Variants in AP1S3 observed in about 807,000 individuals in gnomAD.
The protein encoded by AP1S3 is AP-1 complex subunit sigma-3.
Under a neutral mutation model 20.9 loss-of-function variants are expected in AP1S3, and 10 were observed. The ratio of observed to expected loss-of-function variants is 0.48; its 90% CI spans 0.29 to 0.81. The LOEUF (loss-of-function observed/expected upper bound fraction) is 0.81, where lower values mean the gene tolerates loss of function less well. Ranked by LOEUF, AP1S3 falls within the 30% of genes least tolerant of loss-of-function variation. The pLI is 0.08. For synonymous variants in AP1S3, 41 were observed against 61.5 expected (o/e 0.67, Z 1.56); for missense variants, 154 against 183.8 (o/e 0.84, Z 0.94).
chr2:223,772,008 G>C (rs1329947963), intron 3 of AP1S3, among the ~76,000 whole-genome samples: 1 of 152,206 alleles, frequency 6.6e-6, no homozygotes, highest in African/African-American at 2.4e-5. Context: ...TAGGGAGGCT[G>C]AGGTAGGAGA....
intron 1 of AP1S3, among the ~76,000 whole-genome samples, chr2:223,829,281 C>T (rs1692205508): frequency 6.6e-6 from 1 of 152,186 alleles, no homozygotes; most frequent in Non-Finnish European, 1.5e-5. Context: ...TAAGCCATGA[C>T]TTACAGGCCA....
intron 2 of AP1S3, among the ~76,000 whole-genome samples, chr2:223,776,986 CA>C (rs1223148160): frequency 6.6e-6 from 1 of 152,164 alleles, no homozygotes; most frequent in Non-Finnish European, 1.5e-5. Flanking sequence ...CCAGTTTTTC[CA>C]AAGCACTTGT....
At chr2:223,780,109 T>TC (rs1690885293) in intron 1 of AP1S3, among the ~76,000 whole-genome samples, 1 of 150,746 alleles carries the variant, frequency 6.6e-6, no homozygotes. Context: ...ACTAACCACC[T>TC]CCCCCGGCTG....
intron 1 of AP1S3, among the ~76,000 whole-genome samples, chr2:223,829,079 C>T (rs1205456634): frequency 6.6e-6 from 1 of 151,990 alleles, no homozygotes. Flanking sequence ...GGTGATCCAC[C>T]AGCCTTGGCC....
chr2:223,766,601 T>C (rs187961609), intron 3 of AP1S3, among the ~76,000 whole-genome samples: 18 of 152,332 alleles, frequency 1.2e-4, no homozygotes, highest in African/African-American at 4.3e-4. Context: ...TTTTACACTG[T>C]TGGTGGGAGT....
rs1690201244 is a variant in AP1S3 at position 223,755,863 on chromosome 2, T to G, written c.*2852A>C. 1.0e-6 allele frequency: 1 copy of G among 985,410 alleles called. No individual in the cohort carries two copies. Among genetic ancestry groups the G allele is most frequent in the Non-Finnish European group, 1.2e-6 (1 of 829,928 alleles). 61.0% of individuals were successfully genotyped at this position (985,410 alleles called of 1,614,324 possible). Reference sequence around the variant, plus strand: ...TTTACTTTCTATGTGTGACACTGATTGAAGTCTGAGAAGCCCTGTCCATAA... The same window carrying G: ...TTTACTTTCTATGTGTGACACTGATGGAAGTCTGAGAAGCCCTGTCCATAA... On this transcript the variant is annotated 3_prime_UTR_variant, in exon 5 of 5. Coordinates refer to ENST00000396654, the MANE Select transcript of AP1S3 (RefSeq NM_001039569.2).
At position 223,808,685 on chromosome 2, in the gene AP1S3, T is replaced by C. The variant is rs139921572; in HGVS notation, c.3+28763A>G. On this transcript the variant is annotated intron_variant, in intron 1 of 4. Transcript: ENST00000396654. The stretch of plus-strand genomic sequence containing the variant: ...TATAAATACTCAGTTTCCTTCAGAG[T>C]ACTCAATACTTTGTTTTTCAATAAA... Among the ~76,000 whole-genome samples, 7 of 152,244 alleles carry C rather than the reference T, an allele frequency of 4.6e-5. No individual in the cohort carries two copies. The East Asian group carries it at 1.4e-3, about 29-fold the overall frequency.
chr2:223,764,852 CT>C (rs1382558989), intron 4 of AP1S3, among the ~76,000 whole-genome samples: 1 of 152,148 alleles, frequency 6.6e-6, no homozygotes, highest in Non-Finnish European at 1.5e-5. Flanking sequence ...GTGAAGGACT[CT>C]TGCACTCCAA....
At chr2:223,792,071 G>A (rs684811) in intron 1 of AP1S3, among the ~76,000 whole-genome samples, 73,670 of 151,948 alleles carry the variant, frequency 0.48, 18,491 homozygotes, top group African/African-American at 0.61. Flanking sequence ...TGACCATATT[G>A]CACAAAGCAA....
chr2:223,835,083 C>T (rs570098362), intron 1 of AP1S3, among the ~76,000 whole-genome samples: 1 of 69,292 alleles, frequency 1.4e-5, no homozygotes, highest in Admixed American at 1.3e-4. Flanking sequence ...CCTTGCAGAC[C>T]TCCAGTAAAA....
At chr2:223,774,703 G>A (rs1690721938) in intron 3 of AP1S3, among the ~76,000 whole-genome samples, 1 of 152,174 alleles carries the variant, frequency 6.6e-6, no homozygotes, top group South Asian at 2.1e-4. Context: ...ATGAATGTCA[G>A]CCCAATTTGA....
intron 1 of AP1S3, among the ~76,000 whole-genome samples, chr2:223,800,744 T>C (rs947791854): frequency 3.3e-5 from 5 of 152,236 alleles, no homozygotes; most frequent in Admixed American, 1.3e-4. Flanking sequence ...TTAATGATGA[T>C]ATACTAGAAG....
chr2:223,763,939 T>A (rs950429371), intron 4 of AP1S3, among the ~76,000 whole-genome samples: 2 of 152,192 alleles, frequency 1.3e-5, no homozygotes, highest in Admixed American at 1.3e-4. Flanking sequence ...TTATTTATTT[T>A]GAGATGGAGT....
intron 1 of AP1S3, among the ~76,000 whole-genome samples, chr2:223,783,017 T>C (rs2106096057): frequency 6.6e-6 from 1 of 152,322 alleles, no homozygotes; most frequent in South Asian, 2.1e-4. Flanking sequence ...CATTTTTGAT[T>C]AATATTCGCT....
intron 1 of AP1S3, among the ~76,000 whole-genome samples, chr2:223,786,115 C>G (rs1347384490): frequency 6.6e-6 from 1 of 152,142 alleles, no homozygotes; most frequent in Non-Finnish European, 1.5e-5. Flanking sequence ...GAACTTAACA[C>G]TGCTCTAAAA....
intron 1 of AP1S3, among the ~76,000 whole-genome samples, chr2:223,818,449 A>G (rs1328415784): frequency 6.6e-6 from 1 of 151,828 alleles, no homozygotes; most frequent in Non-Finnish European, 1.5e-5. Context: ...CAAGGTTCCA[A>G]GATAATGTGG....
In AP1S3 at chr2:223,765,326, T is replaced by G. The variant is rs759979517; in HGVS notation, c.316A>C (p.Asn106His). The G allele has an allele frequency of 9.3e-6, 15 of 1,613,170 alleles. No individual in the cohort carries two copies. Among genetic ancestry groups the G allele is most frequent in the Non-Finnish European group, 1.2e-5 (14 of 1,179,840 alleles). The change falls in exon 4 of 5, where the codon AAT becomes CAT. Residue 106 changes from asparagine to histidine, a missense_variant. Physicochemically the swap from Asn to His is moderately conservative, Grantham distance 68. Coordinates refer to ENST00000396654, the MANE Select transcript of AP1S3 (RefSeq NM_001039569.2). ...AGGATGAAATAAGCCTTTTCAAAAT[T>G]AAAGATAATATCCAGCTCACAGACC... ...GNVCELDIIF[N>H]FEKAYFILDE... is the part of the protein sequence containing the mutation.
At position 223,837,544 on chromosome 2, in the gene AP1S3, G is replaced by T; in HGVS notation, c.-94C>A. ...GCGCTGGAGCCGGTGCGGCTGACAG[G>T]TGAGGCGCCCGGCTTAGACCATGGC... On this transcript the variant is annotated 5_prime_UTR_variant, in exon 1 of 5. Coordinates refer to ENST00000396654, the MANE Select transcript of AP1S3 (RefSeq NM_001039569.2). 1.2e-6 allele frequency: 1 copy of T among 806,888 alleles called. No homozygotes were observed. Among genetic ancestry groups the T allele is most frequent in the Non-Finnish European group, 1.7e-6 (1 of 595,322 alleles). 50.0% of individuals were successfully genotyped at this position (806,888 alleles called of 1,614,324 possible). A position where few individuals can be genotyped will look rare whatever the true frequency, so the allele number is the denominator to read the frequency against.
chr2:223,756,481 AG>A lies in AP1S3; in HGVS notation c.*2233del, dbSNP rs1216745818. On this transcript the variant is annotated 3_prime_UTR_variant, in exon 5 of 5. Transcript: ENST00000396654. Reference sequence around the variant, plus strand: ...AGAAAGAAAGAAAAGAAAGAAAGAAAGAAAAAAAGAAAGAAAAAATTCTAAC... The same window carrying A: ...AGAAAGAAAGAAAAGAAAGAAAGAAAAAAAAAAGAAAGAAAAAATTCTAAC... The A allele has an allele frequency of 1.1e-6, 1 of 951,738 alleles. No individual in the cohort carries two copies. Among genetic ancestry groups the A allele is most frequent in the Non-Finnish European group, 1.2e-6 (1 of 800,600 alleles). 59.0% of individuals were successfully genotyped at this position (951,738 alleles called of 1,614,324 possible).
Sources: gnomAD v4.1 joint callset for allele counts (sites outside exome capture counted in the v4.1 genomes callset) on GRCh38, gnomAD v4.1.1 for gene constraint, MANE v1.5 for transcripts, NCBI Gene and HGNC (gene_info 2026-07-23, HGNC 2026-07-21) for gene names.